Variants in ASIC2 observed in about 807,000 individuals in gnomAD.
ASIC2 encodes the protein acid sensing ion channel subunit 2.
ASIC2 carries 25 observed loss-of-function variants against 57.3 expected under a neutral mutation model. That is an observed-to-expected ratio of 0.44 (90% CI 0.32 to 0.61). ASIC2 has a LOEUF of 0.61. Ranked by LOEUF, ASIC2 falls within the 20% of genes least tolerant of loss-of-function variation. The probability of loss-of-function intolerance (pLI) is 0.06; values close to 1 mark genes in which losing one functional copy is unlikely to be tolerated. For synonymous variants in ASIC2, 319 were observed against 307.5 expected (o/e 1.04, Z -0.39); for missense variants, 641 against 738.1 (o/e 0.87, Z 1.52).
In ASIC2 at chr17:33,801,731, T is replaced by A. The variant is rs144934550; in HGVS notation, c.555+354247A>T. Among the ~76,000 whole-genome samples, 51 of 152,304 alleles carry A rather than the reference T, an allele frequency of 3.3e-4. No individual in the cohort carries two copies. In the East Asian group the frequency reaches 9.8e-3, roughly 29 times the overall value. ...TAGCCAGAACCTTCAATGTCCAATA[T>A]GATAGCACCTGGTTAAATATGACTG... On this transcript the variant is annotated intron_variant, in intron 1 of 9. Transcript: ENST00000359872.
intron 2 of ASIC2, among the ~76,000 whole-genome samples, chr17:33,091,013 C>T (rs1371314114): frequency 2.0e-5 from 3 of 152,186 alleles, no homozygotes; most frequent in Non-Finnish European, 4.4e-5. Context: ...TCACCCTGTC[C>T]AAACTCCTAT....
intron 1 of ASIC2, among the ~76,000 whole-genome samples, chr17:33,732,501 TTC>T (rs1252738412): frequency 3.6e-5 from 5 of 140,262 alleles, no homozygotes; most frequent in African/African-American, 1.5e-4. Flanking sequence ...GCTAAGGAAA[TTC>T]TTTTTTTTTT....
intron 1 of ASIC2, among the ~76,000 whole-genome samples, chr17:33,545,378 A>G (rs1329680511): frequency 6.6e-6 from 1 of 152,124 alleles, no homozygotes; most frequent in Non-Finnish European, 1.5e-5. Context: ...AGACGTCTTC[A>G]TTTGTAGGAG....
chr17:33,436,993 G>A (rs1911644847), intron 1 of ASIC2, among the ~76,000 whole-genome samples: 2 of 149,802 alleles, frequency 1.3e-5, no homozygotes, highest in South Asian at 4.3e-4. Context: ...AGCCTCCCGA[G>A]TAGCTGGGAC....
intron 3 of ASIC2, among the ~76,000 whole-genome samples, chr17:33,081,311 C>A (rs138255016): frequency 6.6e-6 from 1 of 152,268 alleles, no homozygotes; most frequent in East Asian, 1.9e-4. Flanking sequence ...ACTTTAGATG[C>A]TGAGTGGCAA....
At chr17:33,859,166 A>G (rs992808877) in intron 1 of ASIC2, among the ~76,000 whole-genome samples, 2 of 152,234 alleles carry the variant, frequency 1.3e-5, no homozygotes, top group Admixed American at 1.3e-4. Context: ...AGCTATAAAA[A>G]TAATAGTGTT....
intron 1 of ASIC2, among the ~76,000 whole-genome samples, chr17:33,538,564 C>T (rs1188335431): frequency 6.6e-6 from 1 of 152,216 alleles, no homozygotes; most frequent in African/African-American, 2.4e-5. Context: ...GATAGAAACC[C>T]AGTTCCTCTG....
intron 1 of ASIC2, among the ~76,000 whole-genome samples, chr17:33,440,292 A>G (rs1911779410): frequency 6.6e-6 from 1 of 152,228 alleles, no homozygotes; most frequent in Non-Finnish European, 1.5e-5. Flanking sequence ...GGTTGGATGT[A>G]GCATGTACCA....
rs1332884118 is a variant in ASIC2, at chr17:33,943,873, AG to A, written c.555+212104del. Among the ~76,000 whole-genome samples, 3 of 152,260 alleles carry A rather than the reference AG, an allele frequency of 2.0e-5. No individual in the cohort carries two copies. In the South Asian group the frequency reaches 6.2e-4, roughly 32 times the overall value. The stretch of plus-strand genomic sequence containing the variant: ...TTTATTGGTGAAGAAGCTGAGATTC[AG>A]GGAGTTCTGTGCTTGCAGTTTCTTC... On this transcript the variant is annotated intron_variant, in intron 1 of 9. Transcript: ENST00000359872.
chr17:33,731,183 G>A (rs1423609584), intron 1 of ASIC2, among the ~76,000 whole-genome samples: 1 of 152,178 alleles, frequency 6.6e-6, no homozygotes, highest in Non-Finnish European at 1.5e-5. Context: ...CTTCAGGTGT[G>A]GGGAAATGTT....
Position 33,701,252 on chromosome 17 carries a change from A to G in ASIC2, c.555+454726T>C, listed in dbSNP as rs537820733. ...TGTGTGTGGTGGGCGGAGGGGGCAT[A>G]TGAGGACTGTCCTTGCTGGAGTGGA... On this transcript the variant is annotated intron_variant, in intron 1 of 9. Transcript: ENST00000359872. Among the ~76,000 whole-genome samples the G allele has an allele frequency of 9.2e-5, 14 of 152,244 alleles. No individual in the cohort carries two copies. In the East Asian group the frequency reaches 1.7e-3, roughly 19 times the overall value.
At chr17:33,657,742 A>G (rs967760070) in intron 1 of ASIC2, among the ~76,000 whole-genome samples, 24 of 129,680 alleles carry the variant, frequency 1.9e-4, no homozygotes, top group Non-Finnish European at 2.9e-4. Context: ...TGCCTCAGAC[A>G]CCTTTGGCAG....
At chr17:33,450,484 A>C (rs139180698) in intron 1 of ASIC2, among the ~76,000 whole-genome samples, 1 of 152,094 alleles carries the variant, frequency 6.6e-6, no homozygotes, top group Non-Finnish European at 1.5e-5. Flanking sequence ...ACTGAGGGGA[A>C]GTCTTATTCT....
intron 1 of ASIC2, among the ~76,000 whole-genome samples, chr17:33,593,922 A>G (rs180675737): frequency 6.6e-6 from 1 of 152,284 alleles, no homozygotes; most frequent in African/African-American, 2.4e-5. Context: ...CTAATAAATC[A>G]ATATTCAGGG....
chr17:33,195,958 A>T (rs1037909855), intron 1 of ASIC2, among the ~76,000 whole-genome samples: 1 of 152,086 alleles, frequency 6.6e-6, no homozygotes, highest in Non-Finnish European at 1.5e-5. Flanking sequence ...TTTTGCACCA[A>T]CCTAATAAAA....
At chr17:33,485,272 A>C (rs1225341219) in intron 1 of ASIC2, among the ~76,000 whole-genome samples, 1 of 152,348 alleles carries the variant, frequency 6.6e-6, no homozygotes. Context: ...CAGCCATGGA[A>C]GCCCTGAGTA....
chr17:33,464,482 C>CTCTTTCTT lies in ASIC2; in HGVS notation c.556-352423_556-352416dup, dbSNP rs1211673507. Among the ~76,000 whole-genome samples, 139 of 63,600 alleles carry CTCTTTCTT rather than the reference C, an allele frequency of 2.2e-3. 1 individual carries two copies. The highest frequency in any genetic ancestry group is 0.017 in the Admixed American group (107 of 6,196). 41.7% of individuals were successfully genotyped at this position (63,600 alleles called of 152,430 possible). Reference sequence around the variant, plus strand: ...CTCTTTCTTTCTTTCTTTCTTTTCTCTCTTTCTTTCTTTCTTTCTTTCTTT... The same window carrying CTCTTTCTT: ...CTCTTTCTTTCTTTCTTTCTTTTCTCTCTTTCTTTCTTTCTTTCTTTCTTTCTTTCTTT... On this transcript the variant is annotated intron_variant, in intron 1 of 9. Coordinates refer to the ASIC2 transcript ENST00000359872.
In ASIC2 at chr17:33,068,074, CAG is replaced by C. The variant is rs557210098; in HGVS notation, c.987+20787_987+20788del. Among the ~76,000 whole-genome samples the C allele has an allele frequency of 2.1e-4, 32 of 152,278 alleles. No individual in the cohort carries two copies. The South Asian group carries it at 6.6e-3, about 32-fold the overall frequency. ...AAGATGCTTGCCCACTCAGACAACC[CAG>C]AGAGTGCAACGGCAGGGGAAAACCT... On this transcript the variant is annotated intron_variant, in intron 3 of 9. Coordinates refer to ENST00000225823, the MANE Select transcript of ASIC2 (RefSeq NM_183377.2).
At chr17:33,644,852 T>C (rs867164142) in intron 1 of ASIC2, among the ~76,000 whole-genome samples, 8 of 152,324 alleles carry the variant, frequency 5.3e-5, no homozygotes, top group Non-Finnish European at 1.0e-4. Flanking sequence ...ATTGGCTTGA[T>C]TGAATATGTG....
Sources: allele counts gnomAD v4.1 joint callset (sites outside exome capture counted in the v4.1 genomes callset), GRCh38; gene constraint gnomAD v4.1.1; transcripts MANE v1.5; gene names NCBI Gene and HGNC (gene_info 2026-07-23, HGNC 2026-07-21).